The following SLC35D1 variants were observed in gnomAD, a reference collection of about 807,000 sequenced individuals.
The protein encoded by SLC35D1 is nucleotide sugar transporter SLC35D1.
A neutral mutation model predicts 46.7 loss-of-function variants in SLC35D1; 31 were observed. The ratio of observed to expected loss-of-function variants is 0.66; its 90% CI spans 0.50 to 0.90. The LOEUF (loss-of-function observed/expected upper bound fraction) is 0.90, where lower values mean the gene tolerates loss of function less well. Among genes scored for constraint, SLC35D1 ranks in the 40% least tolerant of loss-of-function variants. The pLI, the probability that SLC35D1 is intolerant of heterozygous loss-of-function variation, is 0.00. For synonymous variants in SLC35D1, 195 were observed against 164.6 expected (o/e 1.18, Z -1.41); for missense variants, 397 against 426.2 (o/e 0.93, Z 0.60).
chr1:66,974,554 C>T, the SLC35D1 span, among the ~76,000 whole-genome samples: 3 of 151,902 alleles, frequency 2.0e-5, no homozygotes, highest in Non-Finnish European at 2.9e-5. Flanking sequence ...CAAGCAGCAG[C>T]AACAACCCTG....
intron 8 of SLC35D1, among the ~76,000 whole-genome samples, chr1:67,034,108 T>C (rs1668076748): frequency 6.6e-6 from 1 of 152,356 alleles, no homozygotes; most frequent in African/African-American, 2.4e-5. Flanking sequence ...GTAGTATAAT[T>C]TGAAGTCAGG....
At chr1:66,993,285 G>C in the SLC35D1 span, among the ~76,000 whole-genome samples, 9 of 152,190 alleles carry the variant, frequency 5.9e-5, no homozygotes, top group African/African-American at 2.2e-4. Flanking sequence ...ACTTCCAGTA[G>C]TAGAAACTAT....
the SLC35D1 span, chr1:66,973,044 A>G: frequency 1.1e-6 from 1 of 913,562 alleles, no homozygotes; most frequent in African/African-American, 1.6e-5. Context: ...GAACAACTCA[A>G]ATGGTCATGT....
At chr1:67,044,537 A>G (rs1003594687) in intron 7 of SLC35D1, among the ~76,000 whole-genome samples, 13 of 152,232 alleles carry the variant, frequency 8.5e-5, no homozygotes, top group African/African-American at 2.9e-4. Context: ...TAACATACAG[A>G]TAAGTGTGCA....
chr1:66,976,753 A>G, the SLC35D1 span: 5 of 1,504,192 alleles, frequency 3.3e-6, no homozygotes, highest in Non-Finnish European at 4.4e-6. Context: ...AGAGCTATAT[A>G]TACATTTTTG....
Position 67,054,102 on chromosome 1 carries a change from A to C in SLC35D1, c.-89T>G. The C allele has an allele frequency of 7.4e-7, 1 of 1,354,612 alleles. No individual in the cohort carries two copies. Among genetic ancestry groups the C allele is most frequent in the Non-Finnish European group, 1.0e-6 (1 of 980,508 alleles). 83.9% of individuals were successfully genotyped at this position (1,354,612 alleles called of 1,614,324 possible). On this transcript the variant is annotated 5_prime_UTR_variant, in exon 1 of 12. Transcript: ENST00000235345. ...TCCCAGGGGACTCCAGGAGTTGGGGACCGCAGACTAGGCCAGCTGCGCGCT... is the reference window on the plus strand; with the variant it reads ...TCCCAGGGGACTCCAGGAGTTGGGGCCCGCAGACTAGGCCAGCTGCGCGCT...
chr1:66,981,825 A>G, the SLC35D1 span: 1 of 1,614,030 alleles, frequency 6.2e-7, no homozygotes, highest in Non-Finnish European at 8.5e-7. Flanking sequence ...TGCTGCATCT[A>G]GTCGAGCACC....
the SLC35D1 span, among the ~76,000 whole-genome samples, chr1:66,992,479 C>T: frequency 2.0e-5 from 3 of 152,174 alleles, no homozygotes; most frequent in South Asian, 6.2e-4. Flanking sequence ...GAATCTCTCA[C>T]TCAATCCTCT....
intron 4 of SLC35D1, 81 bp downstream of exon 4, chr1:67,051,931 A>G: frequency 1.0e-6 from 1 of 979,784 alleles, no homozygotes; most frequent in Non-Finnish European, 1.6e-6. Context: ...ATCAATAACA[A>G]TGTGTTAAAT....
chr1:66,984,423 G>A, the SLC35D1 span: 3 of 540,528 alleles, frequency 5.6e-6, no homozygotes, highest in Admixed American at 3.7e-5. Context: ...TGCCTAAGGC[G>A]ACATAGCTTA....
chr1:66,975,862 A>C, the SLC35D1 span, among the ~76,000 whole-genome samples: 3 of 152,222 alleles, frequency 2.0e-5, no homozygotes, highest in African/African-American at 7.2e-5. Flanking sequence ...TGTTGGGACT[A>C]GTAAGAGAAT....
intron 7 of SLC35D1, among the ~76,000 whole-genome samples, chr1:67,046,689 C>T (rs562816977): frequency 6.6e-6 from 1 of 152,156 alleles, no homozygotes; most frequent in African/African-American, 2.4e-5. Context: ...GATTCAAATA[C>T]TCAGCTTTCT....
At chr1:66,993,267 G>A in the SLC35D1 span, among the ~76,000 whole-genome samples, 1 of 152,192 alleles carries the variant, frequency 6.6e-6, no homozygotes, top group African/African-American at 2.4e-5. Context: ...TGGACTCTAC[G>A]CACTGGAACT....
chr1:66,980,277 A>G, the SLC35D1 span, among the ~76,000 whole-genome samples: 1 of 152,216 alleles, frequency 6.6e-6, no homozygotes, highest in African/African-American at 2.4e-5. Context: ...AGACCATCTA[A>G]TTTAATTCTA....
intron 1 of SLC35D1, 24 bp from the exon 2 acceptor site, chr1:67,053,013 A>C (rs1284616358): frequency 6.2e-7 from 1 of 1,613,718 alleles, no homozygotes; most frequent in East Asian, 2.2e-5. Context: ...AAAGAAAAAA[A>C]CAAGATCAGA....
At chr1:67,027,382 T>C (rs938912156) in intron 8 of SLC35D1, among the ~76,000 whole-genome samples, 2 of 152,158 alleles carry the variant, frequency 1.3e-5, no homozygotes, top group Non-Finnish European at 2.9e-5. Context: ...TTTCTATTCT[T>C]ATCTTACAAT....
At chr1:66,984,995 G>A in the SLC35D1 span, 1 of 1,437,508 alleles carries the variant, frequency 7.0e-7, no homozygotes, top group South Asian at 1.6e-5. Context: ...TTTCCTTGAA[G>A]CAGTTTGAAA....
chr1:67,012,196 C>T (rs538594870), intron 10 of SLC35D1, among the ~76,000 whole-genome samples: 1 of 152,252 alleles, frequency 6.6e-6, no homozygotes, highest in East Asian at 1.9e-4. Flanking sequence ...ACCTTTGTTG[C>T]CTGGTTAGTA....
At chr1:67,008,068 G>A (rs1667486394) in intron 11 of SLC35D1, among the ~76,000 whole-genome samples, 1 of 152,170 alleles carries the variant, frequency 6.6e-6, no homozygotes, top group East Asian at 1.9e-4. Context: ...CATTATGCAA[G>A]CCTAAGTTTA....
Sources: allele counts gnomAD v4.1 joint callset (sites outside exome capture counted in the v4.1 genomes callset), GRCh38; gene constraint gnomAD v4.1.1; transcripts MANE v1.5; gene names NCBI Gene and HGNC (gene_info 2026-07-23, HGNC 2026-07-21).